PDE4D: variants seen among roughly 807,000 people sequenced by gnomAD.
PDE4D encodes the protein phosphodiesterase 4D, also known as 3',5'-cyclic-AMP phosphodiesterase 4D.
PDE4D carries 24 observed loss-of-function variants against 87.4 expected under a neutral mutation model. The ratio of observed to expected loss-of-function variants is 0.27; its 90% CI spans 0.20 to 0.39. PDE4D has a LOEUF of 0.39. Ranked by LOEUF, PDE4D falls within the 10% of genes least tolerant of loss-of-function variation. The pLI, the probability that PDE4D is intolerant of heterozygous loss-of-function variation, is 1.00. For missense variants in PDE4D, 714 were observed against 1,041.0 expected (o/e 0.69, Z 4.32); for synonymous variants, 384 against 383.2 (o/e 1.00, Z -0.02).
intron 1 of PDE4D, among the ~76,000 whole-genome samples, chr5:59,830,508 C>T (rs17371174): frequency 0.22 from 34,158 of 151,968 alleles, 4,874 homozygotes; most frequent in Admixed American, 0.34. Context: ...CCATTGTAGT[C>T]GGAGACATTA....
intron 5 of PDE4D, chr5:59,091,117 T>C (rs950424318): frequency 4.4e-6 from 2 of 454,484 alleles, no homozygotes; most frequent in African/African-American, 2.0e-5. Context: ...ATGATCCCAT[T>C]ATAGAGCCCT....
chr5:60,048,910 C>T (rs989090435), intron 2 of PDE4D, among the ~76,000 whole-genome samples: 1 of 152,146 alleles, frequency 6.6e-6, no homozygotes, highest in African/African-American at 2.4e-5. Flanking sequence ...TGAATTTTGG[C>T]CTGCCTTGCT....
chr5:59,606,662 G>C (rs1225073171), intron 1 of PDE4D, among the ~76,000 whole-genome samples: 2 of 152,120 alleles, frequency 1.3e-5, no homozygotes, highest in Non-Finnish European at 2.9e-5. Flanking sequence ...ATTATGGAAA[G>C]AGTAGATGGA....
chr5:59,023,854 T>C (rs1755693749), intron 6 of PDE4D, among the ~76,000 whole-genome samples: 1 of 151,608 alleles, frequency 6.6e-6, no homozygotes, highest in Admixed American at 6.6e-5. Flanking sequence ...CTGAAATATT[T>C]AAAAATAAGG....
chr5:59,012,873 G>C (rs773027127), intron 6 of PDE4D, among the ~76,000 whole-genome samples: 4 of 152,200 alleles, frequency 2.6e-5, no homozygotes, highest in Non-Finnish European at 5.9e-5. Context: ...CCACATCACA[G>C]TTATTCCAAA....
intron 1 of PDE4D, among the ~76,000 whole-genome samples, chr5:60,287,283 A>C (rs1441534007): frequency 6.6e-6 from 1 of 152,126 alleles, no homozygotes; most frequent in Non-Finnish European, 1.5e-5. Context: ...AATATACAAA[A>C]TGCACCTTCT....
chr5:59,380,153 T>C (rs1404378636), intron 1 of PDE4D, among the ~76,000 whole-genome samples: 1 of 152,158 alleles, frequency 6.6e-6, no homozygotes, highest in Non-Finnish European at 1.5e-5. Flanking sequence ...ATGACATCTG[T>C]CAATATACAT....
intron 3 of PDE4D, among the ~76,000 whole-genome samples, chr5:59,963,198 T>C (rs1450205490): frequency 6.6e-6 from 1 of 152,188 alleles, no homozygotes; most frequent in Non-Finnish European, 1.5e-5. Flanking sequence ...GGAAGATCTC[T>C]CTATATTCCA....
chr5:59,348,155 A>G (rs1034140220), intron 1 of PDE4D, among the ~76,000 whole-genome samples: 18 of 152,220 alleles, frequency 1.2e-4, no homozygotes, highest in Admixed American at 1.2e-3. Context: ...GTTATTAAAA[A>G]TTAAATTACA....
rs983960346 is a variant in PDE4D at position 60,167,270 on chromosome 5, T to A, written c.42+18287A>T. Among the ~76,000 whole-genome samples the A allele has an allele frequency of 2.3e-5, 3 of 131,108 alleles. No homozygotes were observed. The East Asian group carries it at 6.0e-4, about 26-fold the overall frequency. The allele number at this position is 131,108 out of a possible 152,430, so 86.0% of individuals were successfully genotyped here. On this transcript the variant is annotated intron_variant, in intron 2 of 16. Transcript: ENST00000502484. ...TCTCCTTGAACTGTGTATTTTCTTTTTTTTTTTTTTTTTTTTTGAGACGGA... is the reference window on the plus strand; with the variant it reads ...TCTCCTTGAACTGTGTATTTTCTTTATTTTTTTTTTTTTTTTTGAGACGGA...
intron 1 of PDE4D, among the ~76,000 whole-genome samples, chr5:59,306,255 CCTTTA>C (rs1256523450): frequency 6.6e-6 from 1 of 152,114 alleles, no homozygotes; most frequent in Non-Finnish European, 1.5e-5. Context: ...CTTTTCCACC[CCTTTA>C]CTTTAAGTTT....
chr5:59,906,921 C>T (rs1561845704), intron 3 of PDE4D, among the ~76,000 whole-genome samples: 2 of 152,130 alleles, frequency 1.3e-5, no homozygotes, highest in Admixed American at 6.6e-5. Flanking sequence ...CATAAAAACA[C>T]ATGCACGTGA....
At chr5:59,431,077 C>G (rs887960855) in intron 1 of PDE4D, among the ~76,000 whole-genome samples, 1 of 152,088 alleles carries the variant, frequency 6.6e-6, no homozygotes, top group African/African-American at 2.4e-5. Context: ...TCTTTATTCA[C>G]TAAAACGTTG....
chr5:60,305,431 T>C (rs1054476068), intron 1 of PDE4D, among the ~76,000 whole-genome samples: 1 of 151,736 alleles, frequency 6.6e-6, no homozygotes, highest in Non-Finnish European at 1.5e-5. Context: ...AAAAGTACAA[T>C]AGAGAAGAAG....
chr5:59,994,524 T>C (rs1462248702), intron 2 of PDE4D, among the ~76,000 whole-genome samples: 1 of 152,140 alleles, frequency 6.6e-6, no homozygotes, highest in East Asian at 1.9e-4. Flanking sequence ...GCTCATTGAT[T>C]ATAAGTTAAG....
intron 1 of PDE4D, among the ~76,000 whole-genome samples, chr5:60,271,507 C>G (rs1750803718): frequency 1.3e-5 from 2 of 152,118 alleles, no homozygotes; most frequent in South Asian, 4.1e-4. Flanking sequence ...CTTTCTTTCA[C>G]AGTCCCATAA....
At chr5:59,409,680 C>G (rs1046907775) in intron 1 of PDE4D, among the ~76,000 whole-genome samples, 1 of 152,142 alleles carries the variant, frequency 6.6e-6, no homozygotes, top group African/African-American at 2.4e-5. Flanking sequence ...TGAGCAGATG[C>G]CAGCACCATG....
At chr5:59,949,096 G>T (rs1758001443) in intron 3 of PDE4D, among the ~76,000 whole-genome samples, 1 of 152,172 alleles carries the variant, frequency 6.6e-6, no homozygotes, top group African/African-American at 2.4e-5. Flanking sequence ...ATGTGTGCAT[G>T]TGTGTGTGTG....
chr5:59,625,245 T>C (rs895172415), intron 1 of PDE4D, among the ~76,000 whole-genome samples: 2 of 152,092 alleles, frequency 1.3e-5, no homozygotes, highest in Non-Finnish European at 2.9e-5. Flanking sequence ...AGATGACCAA[T>C]GGGATAAGAA....
Sources: allele counts gnomAD v4.1 joint callset (sites outside exome capture counted in the v4.1 genomes callset), GRCh38; gene constraint gnomAD v4.1.1; transcripts MANE v1.5; gene names NCBI Gene and HGNC (gene_info 2026-07-23, HGNC 2026-07-21).